Variants in QTMAN observed in about 807,000 individuals in gnomAD.
QTMAN encodes tRNA-queuosine alpha-mannosyltransferase.
At chr2:144,170,653 T>C in the QTMAN span, among the ~76,000 whole-genome samples, 1 of 152,072 alleles carries the variant, frequency 6.6e-6, no homozygotes, top group Non-Finnish European at 1.5e-5. Flanking sequence ...TGTTGTGTGT[T>C]ACCCAAACCT....
chr2:144,030,420 T>C, the QTMAN span, among the ~76,000 whole-genome samples: 2 of 152,256 alleles, frequency 1.3e-5, no homozygotes, highest in Non-Finnish European at 2.9e-5. Context: ...CTGAATATTG[T>C]TGACTACTTA....
the QTMAN span, among the ~76,000 whole-genome samples, chr2:144,224,419 T>C: frequency 6.6e-6 from 1 of 152,160 alleles, no homozygotes; most frequent in Non-Finnish European, 1.5e-5. Flanking sequence ...TGGGGATAAA[T>C]TAGGTAACAA....
chr2:144,316,332 T>C, the QTMAN span, among the ~76,000 whole-genome samples: 2 of 152,194 alleles, frequency 1.3e-5, no homozygotes, highest in African/African-American at 2.4e-5. Flanking sequence ...TATATCTGCT[T>C]GTAAAGCCTG....
At chr2:144,121,074 C>A in the QTMAN span, among the ~76,000 whole-genome samples, 2 of 152,092 alleles carry the variant, frequency 1.3e-5, no homozygotes, top group Non-Finnish European at 2.9e-5. Flanking sequence ...TTGTGCCAAA[C>A]CCCTATCAAG....
At chr2:144,118,191 CAT>C in the QTMAN span, among the ~76,000 whole-genome samples, 1 of 152,144 alleles carries the variant, frequency 6.6e-6, no homozygotes, top group Non-Finnish European at 1.5e-5. Flanking sequence ...TCTGGTATTT[CAT>C]ATGACTTGAA....
chr2:144,106,576 C>T, the QTMAN span, among the ~76,000 whole-genome samples: 13 of 152,296 alleles, frequency 8.5e-5, no homozygotes, highest in African/African-American at 3.1e-4. Flanking sequence ...CATATATGCA[C>T]CCAATACAGG....
chr2:144,259,060 G>A, the QTMAN span, among the ~76,000 whole-genome samples: 48 of 152,302 alleles, frequency 3.2e-4, no homozygotes, highest in Non-Finnish European at 6.0e-4. Flanking sequence ...TGATCATCCA[G>A]AGATAGGACA....
chr2:144,292,467 C>T, the QTMAN span, among the ~76,000 whole-genome samples: 1 of 152,008 alleles, frequency 6.6e-6, no homozygotes, highest in Non-Finnish European at 1.5e-5. Flanking sequence ...TTGTGCTTCT[C>T]TTACACCATT....
At chr2:144,095,906 A>ACACAAGT in the QTMAN span, among the ~76,000 whole-genome samples, 1 of 152,166 alleles carries the variant, frequency 6.6e-6, no homozygotes, top group African/African-American at 2.4e-5. Flanking sequence ...TGTGTTACAT[A>ACACAAGT]CACAAGTTTC....
chr2:143,982,426 T>A, the QTMAN span, among the ~76,000 whole-genome samples: 5 of 151,692 alleles, frequency 3.3e-5, no homozygotes, highest in South Asian at 6.3e-4. Context: ...GAGACGGGGT[T>A]TCACCATGTT....
At chr2:144,178,319 C>T in the QTMAN span, 1 of 152,056 alleles carries the variant, frequency 6.6e-6, no homozygotes, top group Non-Finnish European at 1.5e-5. Context: ...TGAGATGACA[C>T]ACACATAAGC....
At chr2:143,978,534 T>C in the QTMAN span, among the ~76,000 whole-genome samples, 2 of 152,190 alleles carry the variant, frequency 1.3e-5, no homozygotes, top group African/African-American at 4.8e-5. Context: ...TGCCAATGAA[T>C]TCCCTTTCTC....
At chr2:144,092,256 A>T in the QTMAN span, among the ~76,000 whole-genome samples, 1 of 151,482 alleles carries the variant, frequency 6.6e-6, no homozygotes, top group Non-Finnish European at 1.5e-5. Flanking sequence ...GCTCACTGCA[A>T]GCTCCGCCTC....
At chr2:144,003,825 T>C in the QTMAN span, among the ~76,000 whole-genome samples, 38 of 152,170 alleles carry the variant, frequency 2.5e-4, no homozygotes, top group African/African-American at 8.7e-4. Context: ...TAGTACGAGA[T>C]ATGTTAGAGG....
chr2:143,974,816 T>C, the QTMAN span, among the ~76,000 whole-genome samples: 42 of 152,322 alleles, frequency 2.8e-4, no homozygotes, highest in Admixed American at 2.7e-3. Context: ...ATAAAATTAC[T>C]AGATTTTTTT....
chr2:143,991,923 C>T, the QTMAN span, among the ~76,000 whole-genome samples: 1 of 150,206 alleles, frequency 6.7e-6, no homozygotes. Flanking sequence ...GGGGTCAGCC[C>T]CCCGCCCGGC....
the QTMAN span, among the ~76,000 whole-genome samples, chr2:144,027,203 G>A: frequency 2.0e-5 from 3 of 152,134 alleles, no homozygotes; most frequent in African/African-American, 7.2e-5. Flanking sequence ...CGTTTCCACT[G>A]ATCAGTATAT....
At chr2:144,310,296 A>C in the QTMAN span, among the ~76,000 whole-genome samples, 1 of 152,190 alleles carries the variant, frequency 6.6e-6, no homozygotes, top group Admixed American at 6.5e-5. Flanking sequence ...GGGGTAGTAA[A>C]TGGAGTCAAA....
At chr2:144,230,285 A>T in the QTMAN span, 1 of 152,176 alleles carries the variant, frequency 6.6e-6, no homozygotes, top group African/African-American at 2.4e-5. Context: ...CCCCACTTCA[A>T]TCTGCAGGCT....
Sources: gnomAD v4.1 joint callset for allele counts (sites outside exome capture counted in the v4.1 genomes callset) on GRCh38, gnomAD v4.1.1 for gene constraint, MANE v1.5 for transcripts, NCBI Gene and HGNC (gene_info 2026-07-23, HGNC 2026-07-21) for gene names.